The following SFMBT2 variants were observed in gnomAD, a reference collection of about 807,000 sequenced individuals.
The protein encoded by SFMBT2 is scm-like with four MBT domains protein 2.
Under a neutral mutation model 110.1 loss-of-function variants are expected in SFMBT2, and 38 were observed. The ratio of observed to expected loss-of-function variants is 0.35; its 90% CI spans 0.27 to 0.45. The LOEUF (loss-of-function observed/expected upper bound fraction) is 0.45. Ranked by LOEUF, SFMBT2 falls within the 20% of genes least tolerant of loss-of-function variation. The pLI is 1.00. For missense variants in SFMBT2, 1,011 were observed against 1,094.9 expected, an observed-to-expected ratio of 0.92 and a Z score of 1.08; for synonymous variants, 425 against 425.4, an observed-to-expected ratio of 1.00 and a Z score of 0.01.
intron 11 of SFMBT2, among the ~76,000 whole-genome samples, chr10:7,210,370 G>A (rs759970142): frequency 1.7e-4 from 26 of 152,234 alleles, no homozygotes; most frequent in African/African-American, 5.1e-4. Flanking sequence ...GAGAGAGCGC[G>A]AGCATGCATG....
intron 4 of SFMBT2, among the ~76,000 whole-genome samples, chr10:7,346,052 A>AC (rs1012627903): frequency 2.6e-5 from 4 of 151,872 alleles, no homozygotes; most frequent in African/African-American, 4.8e-5. Flanking sequence ...TGTCGCCCTC[A>AC]CCCCCCCGAA....
intron 4 of SFMBT2, among the ~76,000 whole-genome samples, chr10:7,298,021 C>A (rs966211193): frequency 2.0e-5 from 3 of 152,246 alleles, no homozygotes; most frequent in African/African-American, 7.2e-5. Context: ...ATCACTGGGG[C>A]TCGCAGGTGA....
Position 7,293,923 on chromosome 10 carries a change from T to A in SFMBT2, c.437-7969A>T, listed in dbSNP as rs1332289552. On this transcript the variant is annotated intron_variant, in intron 4 of 20. Coordinates refer to ENST00000397167, the MANE Select transcript of SFMBT2 (RefSeq NM_001387889.1). This position sits in a 1 kb window ranked among gnomAD's most constrained non-coding sequence, Gnocchi z 4.6. ...GCAAAGATGAACAATTTCCATCTCA[T>A]CAGTTACGCTGATGTGTATCAGTGA... Among the ~76,000 whole-genome samples the A allele has an allele frequency of 6.6e-6, 1 of 152,218 alleles. No homozygotes were observed. The highest frequency in any genetic ancestry group is 1.5e-5 in the Non-Finnish European group (1 of 68,034).
intron 12 of SFMBT2, chr10:7,203,043 T>C (rs1188822489): frequency 1.0e-6 from 1 of 985,322 alleles, no homozygotes; most frequent in East Asian, 1.1e-4. Context: ...AGTGATTTCT[T>C]TGGATAAGAA....
At chr10:7,400,920 G>A (rs1370235302) in intron 1 of SFMBT2, among the ~76,000 whole-genome samples, 2 of 152,180 alleles carry the variant, frequency 1.3e-5, no homozygotes, top group African/African-American at 4.8e-5. Context: ...ATTACCTGAG[G>A]TCAGGAGTTC....
Position 7,160,146 on chromosome 10 carries a change from A to G in SFMBT2, c.*3624T>C, listed in dbSNP as rs1837511768. On this transcript the variant is annotated 3_prime_UTR_variant, in exon 21 of 21. Transcript: ENST00000397167. ...GTCTGACTCCAACTTGGATCAAATG[A>G]CTCTAATTTTGAAAGTGATGGATGA... is the stretch of plus-strand genomic sequence containing the variant. The G allele has an allele frequency of 6.6e-6, 1 of 152,078 alleles. No homozygotes were observed. The highest frequency in any genetic ancestry group is 1.5e-5 in the Non-Finnish European group (1 of 68,030). The allele number at this position is 152,078 out of a possible 1,614,324, so 9.4% of individuals were successfully genotyped here.
At chr10:7,220,930 C>T (rs1254509939) in intron 10 of SFMBT2, among the ~76,000 whole-genome samples, 2 of 151,772 alleles carry the variant, frequency 1.3e-5, no homozygotes, top group Non-Finnish European at 2.9e-5. Flanking sequence ...GGGTTCACGC[C>T]ATTCTCCTAA....
intron 4 of SFMBT2, among the ~76,000 whole-genome samples, chr10:7,286,699 T>C (rs1373644736): frequency 6.6e-6 from 1 of 152,212 alleles, no homozygotes; most frequent in African/African-American, 2.4e-5. Context: ...GTGTGAACTA[T>C]ACTATTTTCT....
chr10:7,347,674 T>C (rs955956932), intron 4 of SFMBT2, among the ~76,000 whole-genome samples: 3 of 152,178 alleles, frequency 2.0e-5, no homozygotes, highest in Non-Finnish European at 4.4e-5. Flanking sequence ...CTTCTTTTGT[T>C]AGCAGAAAGA....
At chr10:7,273,696 T>A (rs1314108862) in intron 7 of SFMBT2, among the ~76,000 whole-genome samples, 1 of 152,210 alleles carries the variant, frequency 6.6e-6, no homozygotes, top group Admixed American at 6.5e-5. Flanking sequence ...AATTCCCACC[T>A]ATGAGTGAGA....
intron 15 of SFMBT2, among the ~76,000 whole-genome samples, chr10:7,195,452 G>A (rs752400351): frequency 7.9e-5 from 12 of 152,150 alleles, no homozygotes; most frequent in Non-Finnish European, 1.2e-4. Context: ...CGTACTGTTC[G>A]ATTTCAAGAC....
At chr10:7,273,800 G>C (rs929714679) in intron 7 of SFMBT2, among the ~76,000 whole-genome samples, 2 of 152,216 alleles carry the variant, frequency 1.3e-5, no homozygotes, top group Admixed American at 6.5e-5. Flanking sequence ...AGAGGATGTG[G>C]AGAGATAGGA....
At chr10:7,244,929 T>A (rs945406411) in intron 8 of SFMBT2, among the ~76,000 whole-genome samples, 1 of 152,200 alleles carries the variant, frequency 6.6e-6, no homozygotes, top group Non-Finnish European at 1.5e-5. Flanking sequence ...CCGAGAGCCC[T>A]GTTGAGAATC....
chr10:7,220,618 T>C (rs1253868519), intron 10 of SFMBT2, 81 bp from the exon 11 acceptor site: 1 of 1,435,968 alleles, frequency 7.0e-7, no homozygotes, highest in Non-Finnish European at 9.8e-7. Context: ...GAGAAAGAAA[T>C]GCACGCACAC....
chr10:7,195,405 A>G (rs1408110088), intron 15 of SFMBT2, among the ~76,000 whole-genome samples: 1 of 152,130 alleles, frequency 6.6e-6, no homozygotes, highest in East Asian at 1.9e-4. Context: ...AATTTCTCAT[A>G]TATGGAATCT....
At chr10:7,318,319 G>A (rs1843074691) in intron 4 of SFMBT2, among the ~76,000 whole-genome samples, 1 of 152,160 alleles carries the variant, frequency 6.6e-6, no homozygotes, top group Non-Finnish European at 1.5e-5. Context: ...TCCTCCTCAT[G>A]AAATTGTAAA....
intron 4 of SFMBT2, among the ~76,000 whole-genome samples, chr10:7,313,562 G>A (rs765577830): frequency 6.6e-6 from 1 of 152,204 alleles, no homozygotes; most frequent in African/African-American, 2.4e-5. Flanking sequence ...AAGTGATCTG[G>A]CCTTCCAAAG....
intron 7 of SFMBT2, among the ~76,000 whole-genome samples, chr10:7,268,693 T>C (rs1051445402): frequency 3.3e-5 from 5 of 152,152 alleles, no homozygotes; most frequent in Non-Finnish European, 4.4e-5. Context: ...GTATTTTTAA[T>C]AGAGAAAGGG....
intron 7 of SFMBT2, among the ~76,000 whole-genome samples, chr10:7,259,979 T>A (rs1841143578): frequency 6.6e-6 from 1 of 152,198 alleles, no homozygotes; most frequent in South Asian, 2.1e-4. Context: ...GTCTAGTGTA[T>A]AAGATTCAAA....
Sources: allele counts gnomAD v4.1 joint callset (sites outside exome capture counted in the v4.1 genomes callset), GRCh38; gene constraint gnomAD v4.1.1; non-coding constraint Gnocchi (gnomAD v3.1); transcripts MANE v1.5; gene names NCBI Gene and HGNC (gene_info 2026-07-23, HGNC 2026-07-21).